The following ZRANB3 variants were observed in gnomAD, a reference collection of about 807,000 sequenced individuals.
ZRANB3 encodes the protein zinc finger RANBP2-type containing 3, also known as DNA annealing helicase and endonuclease ZRANB3.
A neutral mutation model predicts 133.8 loss-of-function variants in ZRANB3; 125 were observed. The ratio of observed to expected loss-of-function variants is 0.93; its 90% CI spans 0.81 to 1.08. The LOEUF is 1.08. ZRANB3 is among the 50% of genes least tolerant of loss of function. The probability of loss-of-function intolerance (pLI) is 0.00; values close to 1 mark genes in which losing one functional copy is unlikely to be tolerated. For missense variants in ZRANB3, 1,229 were observed against 1,275.5 expected, an observed-to-expected ratio of 0.96 and a Z score of 0.56; for synonymous variants, 387 against 432.7, an observed-to-expected ratio of 0.89 and a Z score of 1.31.
chr2:135,351,113 A>G (rs913413011), intron 4 of ZRANB3, among the ~76,000 whole-genome samples: 5 of 152,084 alleles, frequency 3.3e-5, no homozygotes, highest in African/African-American at 7.2e-5. Context: ...TGCATTTTCT[A>G]TATCACCAGA....
At chr2:135,423,032 T>C (rs1287598450) in intron 2 of ZRANB3, among the ~76,000 whole-genome samples, 1 of 152,204 alleles carries the variant, frequency 6.6e-6, no homozygotes, top group Non-Finnish European at 1.5e-5. Flanking sequence ...TCTCCTATCT[T>C]CTGGTGGATG....
chr2:135,314,596 G>A (rs1018786667), intron 7 of ZRANB3, among the ~76,000 whole-genome samples: 6 of 152,148 alleles, frequency 3.9e-5, no homozygotes, highest in African/African-American at 9.7e-5. Context: ...TGAATTTCAC[G>A]TCTTACAACA....
intron 6 of ZRANB3, among the ~76,000 whole-genome samples, chr2:135,328,956 T>C (rs183092938): frequency 9.2e-5 from 14 of 152,358 alleles, no homozygotes; most frequent in African/African-American, 3.4e-4. Context: ...ATTCTGGATA[T>C]TAGCCCTTTT....
chr2:135,476,198 G>A (rs554457058), intron 2 of ZRANB3, among the ~76,000 whole-genome samples: 111 of 152,160 alleles, frequency 7.3e-4, no homozygotes, highest in African/African-American at 2.5e-3. Context: ...ATAAACAAAC[G>A]GCATGAAAAC....
intron 8 of ZRANB3, among the ~76,000 whole-genome samples, chr2:135,287,978 G>C (rs1433044313): frequency 1.3e-5 from 2 of 152,086 alleles, no homozygotes; most frequent in African/African-American, 4.8e-5. Flanking sequence ...ATGTTGAATA[G>C]AAGTGGTGAA....
intron 2 of ZRANB3, among the ~76,000 whole-genome samples, chr2:135,500,710 T>C (rs776810067): frequency 4.2e-5 from 6 of 142,810 alleles, no homozygotes; most frequent in Non-Finnish European, 7.5e-5. Context: ...CTTCAAGCTA[T>C]ACATTCATAA....
chr2:135,492,282 C>T (rs571673911), intron 2 of ZRANB3, among the ~76,000 whole-genome samples: 1 of 152,072 alleles, frequency 6.6e-6, no homozygotes, highest in South Asian at 2.1e-4. Flanking sequence ...CAAAGTGAAA[C>T]CTAACCTTGT....
intron 2 of ZRANB3, among the ~76,000 whole-genome samples, chr2:135,496,832 C>A (rs375928054): frequency 4.0e-4 from 61 of 152,288 alleles, no homozygotes; most frequent in African/African-American, 1.3e-3. Context: ...AGTCTTCAGG[C>A]TTCCAAAGCC....
intron 6 of ZRANB3, among the ~76,000 whole-genome samples, chr2:135,344,378 C>T (rs1684826749): frequency 6.6e-6 from 1 of 152,176 alleles, no homozygotes; most frequent in African/African-American, 2.4e-5. Flanking sequence ...CTATATACTA[C>T]AAACGTCCAA....
intron 8 of ZRANB3, among the ~76,000 whole-genome samples, chr2:135,291,887 T>A (rs1337555348): frequency 1.3e-5 from 2 of 152,130 alleles, no homozygotes; most frequent in African/African-American, 4.8e-5. Flanking sequence ...AGAATGATGG[T>A]TTCCAGCTTC....
chr2:135,375,522 A>T (rs1686382751), intron 3 of ZRANB3, among the ~76,000 whole-genome samples: 1 of 152,154 alleles, frequency 6.6e-6, no homozygotes, highest in African/African-American at 2.4e-5. Flanking sequence ...CGTCTCTACT[A>T]AAAATACAAA....
chr2:135,390,878 T>C, intron 2 of ZRANB3, 58 bp from the exon 3 acceptor site: 1 of 1,474,098 alleles, frequency 6.8e-7, no homozygotes, highest in Non-Finnish European at 9.0e-7. Flanking sequence ...CCTTTTTTTT[T>C]TGAGATGGAG....
At chr2:135,479,791 G>T (rs915062937) in intron 2 of ZRANB3, among the ~76,000 whole-genome samples, 1 of 152,048 alleles carries the variant, frequency 6.6e-6, no homozygotes, top group Non-Finnish European at 1.5e-5. Flanking sequence ...CAACTATGAT[G>T]CTATTCTACA....
At chr2:135,202,022 C>CA (rs1386841642) in intron 20 of ZRANB3, among the ~76,000 whole-genome samples, 2 of 152,004 alleles carry the variant, frequency 1.3e-5, no homozygotes, top group South Asian at 4.2e-4. Flanking sequence ...GGTTTGTTTA[C>CA]AAAAAATGTG....
intron 6 of ZRANB3, among the ~76,000 whole-genome samples, chr2:135,330,801 T>C (rs1469733174): frequency 6.6e-6 from 1 of 152,158 alleles, no homozygotes; most frequent in African/African-American, 2.4e-5. Context: ...TCCAGGAATT[T>C]TTCCATTTCT....
At chr2:135,452,266 C>G (rs1690308449) in intron 2 of ZRANB3, among the ~76,000 whole-genome samples, 2 of 152,062 alleles carry the variant, frequency 1.3e-5, no homozygotes, top group Non-Finnish European at 2.9e-5. Flanking sequence ...ATTCAATTAC[C>G]TCCCCCTGGG....
chr2:135,375,770 G>A (rs577910482), intron 3 of ZRANB3, among the ~76,000 whole-genome samples: 5 of 151,396 alleles, frequency 3.3e-5, no homozygotes, highest in Non-Finnish European at 5.9e-5. Context: ...CAGGAGAATC[G>A]CTTGAACCCC....
At chr2:135,373,473 C>A (rs974185874) in intron 3 of ZRANB3, among the ~76,000 whole-genome samples, 1 of 152,030 alleles carries the variant, frequency 6.6e-6, no homozygotes, top group Admixed American at 6.6e-5. Context: ...GAAAGAACTA[C>A]ACAGAAATAG....
At chr2:135,421,689 A>C (rs1020204936) in intron 2 of ZRANB3, among the ~76,000 whole-genome samples, 16 of 152,038 alleles carry the variant, frequency 1.1e-4, no homozygotes, top group East Asian at 5.8e-4. Flanking sequence ...ATTTTTCACT[A>C]TCTACAATCT....
Sources: gnomAD v4.1 joint callset for allele counts (sites outside exome capture counted in the v4.1 genomes callset) on GRCh38, gnomAD v4.1.1 for gene constraint, MANE v1.5 for transcripts, NCBI Gene and HGNC (gene_info 2026-07-23, HGNC 2026-07-21) for gene names.